SHANK2: variants seen among roughly 807,000 people sequenced by gnomAD.
SHANK2 encodes SH3 and multiple ankyrin repeat domains 2.
A neutral mutation model predicts 133.7 loss-of-function variants in SHANK2; 43 were observed. That is an observed-to-expected ratio of 0.32 (90% CI 0.25 to 0.41). The LOEUF (loss-of-function observed/expected upper bound fraction) is 0.41. Among genes scored for constraint, SHANK2 ranks in the 10% least tolerant of loss-of-function variants. The probability of loss-of-function intolerance (pLI) is 1.00; values close to 1 mark genes in which losing one functional copy is unlikely to be tolerated. For missense variants in SHANK2, 1,994 were observed against 2,235.8 expected, an observed-to-expected ratio of 0.89 and a Z score of 2.18; for synonymous variants, 1,017 against 952.8, an observed-to-expected ratio of 1.07 and a Z score of -1.24.
intron 10 of SHANK2, among the ~76,000 whole-genome samples, chr11:70,920,339 C>T (rs57023250): frequency 2.6e-5 from 4 of 152,262 alleles, no homozygotes; most frequent in African/African-American, 7.2e-5. Flanking sequence ...GCCAGCCTCC[C>T]GCCTTGGCCT....
At chr11:71,176,100 T>C (rs1433378734) in intron 2 of SHANK2, among the ~76,000 whole-genome samples, 3 of 152,210 alleles carry the variant, frequency 2.0e-5, no homozygotes, top group Non-Finnish European at 4.4e-5. Context: ...CATCTCACCA[T>C]TCATGGGGCA....
At chr11:71,208,133 A>T (rs1279271474) in intron 2 of SHANK2, among the ~76,000 whole-genome samples, 1 of 152,134 alleles carries the variant, frequency 6.6e-6, no homozygotes, top group Non-Finnish European at 1.5e-5. Flanking sequence ...AAACCCGAGG[A>T]GGGGCACAGA....
At chr11:70,763,585 T>A (rs1947041364) in intron 14 of SHANK2, among the ~76,000 whole-genome samples, 3 of 152,160 alleles carry the variant, frequency 2.0e-5, no homozygotes. Context: ...ATGAAGGGGC[T>A]GAGGGCCATG....
At position 70,612,442 on chromosome 11, in the gene SHANK2, G is replaced by A. The variant is rs782496608; in HGVS notation, c.2061+47386C>T. ...GGTTTCTCTACATACGTGTGTACACGTATACATACACATATGCATGCGTGC... is the reference window on the plus strand; with the variant it reads ...GGTTTCTCTACATACGTGTGTACACATATACATACACATATGCATGCGTGC... On this transcript the variant is annotated intron_variant, in intron 17 of 25. Coordinates refer to ENST00000601538, the MANE Select transcript of SHANK2 (RefSeq NM_012309.5). 4.6e-5 allele frequency among the ~76,000 whole-genome samples: 7 copies of A among 152,132 alleles called. No individual in the cohort carries two copies. The East Asian group carries it at 9.7e-4, about 21-fold the overall frequency.
At chr11:71,115,259 C>T (rs1951957133) in intron 4 of SHANK2, among the ~76,000 whole-genome samples, 2 of 152,044 alleles carry the variant, frequency 1.3e-5, no homozygotes, top group African/African-American at 4.8e-5. Flanking sequence ...AACCTGAGGC[C>T]AGGAGTTTGA....
chr11:71,232,035 A>G (rs570286770), intron 1 of SHANK2, among the ~76,000 whole-genome samples: 3 of 152,322 alleles, frequency 2.0e-5, no homozygotes, highest in Non-Finnish European at 2.9e-5. Context: ...AACATTACTC[A>G]GCAATAAAAA....
At chr11:70,922,083 G>A (rs1950359487) in intron 10 of SHANK2, among the ~76,000 whole-genome samples, 1 of 152,168 alleles carries the variant, frequency 6.6e-6, no homozygotes, top group Non-Finnish European at 1.5e-5. Flanking sequence ...AGAAACAATT[G>A]AATGCAGAAG....
At chr11:70,728,299 C>G (rs1275157546) in intron 14 of SHANK2, among the ~76,000 whole-genome samples, 2 of 152,210 alleles carry the variant, frequency 1.3e-5, no homozygotes, top group Non-Finnish European at 2.9e-5. Flanking sequence ...GAGGATCCCT[C>G]TGGGATATGT....
In SHANK2 at chr11:70,471,071, T is replaced by A. The variant is rs551936779; in HGVS notation, c.*1798A>T. ...AATAGTATTATTAAATCACAAAAGT[T>A]TTTTTTTCTTTAACTTTCTAGCACT... On this transcript the variant is annotated 3_prime_UTR_variant, in exon 26 of 26. Transcript: ENST00000601538. This position sits in a 1 kb window ranked among gnomAD's most constrained non-coding sequence, Gnocchi z 4.1. 127 of 388,008 alleles carry A rather than the reference T, an allele frequency of 3.3e-4. No individual in the cohort carries two copies. The highest frequency in any genetic ancestry group is 5.0e-4 in the Non-Finnish European group (110 of 220,100). 24.0% of individuals were successfully genotyped at this position (388,008 alleles called of 1,614,324 possible).
chr11:70,628,446 G>A (rs1281257171), intron 17 of SHANK2, among the ~76,000 whole-genome samples: 5 of 152,140 alleles, frequency 3.3e-5, no homozygotes, highest in Non-Finnish European at 5.9e-5. Flanking sequence ...TTCCCTGCTC[G>A]CAAAGTAAGC....
chr11:71,074,824 G>T, intron 9 of SHANK2, among the ~76,000 whole-genome samples: 1 of 145,546 alleles, frequency 6.9e-6, no homozygotes, highest in African/African-American at 2.6e-5. Context: ...CTGTAGCCCA[G>T]GCTGGAGTGC....
intron 17 of SHANK2, among the ~76,000 whole-genome samples, chr11:70,647,055 G>C (rs1469507779): frequency 1.3e-5 from 2 of 151,770 alleles, no homozygotes; most frequent in African/African-American, 4.8e-5. Flanking sequence ...AGTAGAGATA[G>C]GGGTTTCACC....
chr11:71,159,413 AG>A (rs1305374124), intron 2 of SHANK2, among the ~76,000 whole-genome samples: 1 of 152,192 alleles, frequency 6.6e-6, no homozygotes, highest in African/African-American at 2.4e-5. Flanking sequence ...GGATAACCCA[AG>A]ATAATTCCTC....
chr11:70,545,550 G>A (rs531702734), intron 17 of SHANK2, among the ~76,000 whole-genome samples: 7 of 152,302 alleles, frequency 4.6e-5, no homozygotes, highest in South Asian at 2.1e-4. Flanking sequence ...TGACAGCACC[G>A]TCTCCCTAAG....
At chr11:70,875,611 AACAC>A (rs1555071062) in intron 11 of SHANK2, among the ~76,000 whole-genome samples, 5 of 152,290 alleles carry the variant, frequency 3.3e-5, no homozygotes, top group African/African-American at 1.2e-4. Context: ...CTGCAATCCC[AACAC>A]TTTGGGAGGC....
chr11:70,913,220 T>C (rs1329037980), intron 10 of SHANK2, among the ~76,000 whole-genome samples: 3 of 152,074 alleles, frequency 2.0e-5, no homozygotes, highest in Admixed American at 2.0e-4. Flanking sequence ...AAGAAGAAAC[T>C]TATTATATAA....
chr11:70,918,973 G>A (rs1950308960), intron 10 of SHANK2, among the ~76,000 whole-genome samples: 1 of 152,034 alleles, frequency 6.6e-6, no homozygotes, highest in African/African-American at 2.4e-5. Context: ...AGACCAGGCT[G>A]GACAGCATAA....
intron 14 of SHANK2, among the ~76,000 whole-genome samples, chr11:70,763,444 C>G (rs1272991493): frequency 6.6e-6 from 1 of 152,060 alleles, no homozygotes; most frequent in East Asian, 1.9e-4. Context: ...GCATCAGGGC[C>G]TGGCTCTGCA....
At position 70,779,960 on chromosome 11, in the gene SHANK2, C is replaced by T. The variant is rs74399664; in HGVS notation, c.1777+18483G>A. Reference sequence around the variant, plus strand: ...TTCAGGTCGGTCCCATCAGGACTCTCGCTAAGAAGCTAGCACAGAGCCATT... The same window carrying T: ...TTCAGGTCGGTCCCATCAGGACTCTTGCTAAGAAGCTAGCACAGAGCCATT... On this transcript the variant is annotated intron_variant, in intron 14 of 25. Coordinates refer to ENST00000601538, the MANE Select transcript of SHANK2 (RefSeq NM_012309.5). Among the ~76,000 whole-genome samples the T allele has an allele frequency of 4.3e-3, 257 of 60,050 alleles. 5 individuals carry two copies. The East Asian group carries it at 0.17, about 40-fold the overall frequency. 39.4% of individuals were successfully genotyped at this position (60,050 alleles called of 152,430 possible).
Sources: gnomAD v4.1 joint callset for allele counts (sites outside exome capture counted in the v4.1 genomes callset) on GRCh38, gnomAD v4.1.1 for gene constraint, Gnocchi (gnomAD v3.1) non-coding constraint, MANE v1.5 for transcripts, NCBI Gene and HGNC (gene_info 2026-07-23, HGNC 2026-07-21) for gene names.